The following PRUNE1 variants were observed in gnomAD, a reference collection of about 807,000 sequenced individuals.
The protein encoded by PRUNE1 is exopolyphosphatase PRUNE1.
PRUNE1 carries 25 observed loss-of-function variants against 42.5 expected under a neutral mutation model. The ratio of observed to expected loss-of-function variants is 0.59; its 90% CI spans 0.43 to 0.82. PRUNE1 has a LOEUF of 0.82. PRUNE1 is among the 40% of genes least tolerant of loss of function. The pLI, the probability that PRUNE1 is intolerant of heterozygous loss-of-function variation, is 0.00. For synonymous variants in PRUNE1, 203 were observed against 217.1 expected (o/e 0.93, Z 0.57); for missense variants, 443 against 539.3 (o/e 0.82, Z 1.77).
intron 7 of PRUNE1, among the ~76,000 whole-genome samples, chr1:151,033,354 GGATTACAGGCGT>G (rs1675354868): frequency 6.6e-6 from 1 of 151,514 alleles, no homozygotes; most frequent in Admixed American, 6.6e-5. Flanking sequence ...CAAAGTGCTG[GGATTACAGGCGT>G]GAGCCACCGC....
At chr1:151,011,211 A>G (rs954839355) in intron 1 of PRUNE1, among the ~76,000 whole-genome samples, 4 of 152,196 alleles carry the variant, frequency 2.6e-5, no homozygotes, top group Admixed American at 6.5e-5. Context: ...CTCTTTGTGC[A>G]GGATAAAGAC....
At position 151,008,527 on chromosome 1, in the gene PRUNE1, C is replaced by A. The variant is rs1673479839; in HGVS notation, c.-106C>A. On this transcript the variant is annotated 5_prime_UTR_variant, in exon 1 of 8. Coordinates refer to ENST00000271620, the MANE Select transcript of PRUNE1 (RefSeq NM_021222.3). ...TTCGAGTCCCGCCTCCTGACTCTGG[C>A]CTCTAGTCCCTGAGTCCCGGGCGGG... is the stretch of plus-strand genomic sequence containing the variant. 8.4e-6 allele frequency: 12 copies of A among 1,421,614 alleles called. No homozygotes were observed. The South Asian group carries it at 1.3e-4, about 15-fold the overall frequency. 88.1% of individuals were successfully genotyped at this position (1,421,614 alleles called of 1,614,324 possible).
At chr1:151,015,673 G>A (rs1484273563) in intron 1 of PRUNE1, among the ~76,000 whole-genome samples, 5 of 150,070 alleles carry the variant, frequency 3.3e-5, no homozygotes, top group South Asian at 2.1e-4. Context: ...GCATGGTGGC[G>A]GGTGCCTGTA....
chr1:151,030,952 A>G (rs1454693108), intron 7 of PRUNE1, among the ~76,000 whole-genome samples: 2 of 152,216 alleles, frequency 1.3e-5, no homozygotes, highest in African/African-American at 2.4e-5. Flanking sequence ...TCATGTGTAA[A>G]GCACACTCCT....
At chr1:151,026,870 C>T (rs1460898873) in intron 5 of PRUNE1, among the ~76,000 whole-genome samples, 1 of 132,168 alleles carries the variant, frequency 7.6e-6, no homozygotes, top group Non-Finnish European at 1.6e-5. Flanking sequence ...TTTTTTGAGA[C>T]AGAGTCCAGG....
intron 1 of PRUNE1, among the ~76,000 whole-genome samples, chr1:151,010,050 C>T (rs1381236158): frequency 5.9e-5 from 9 of 152,180 alleles, no homozygotes; most frequent in Admixed American, 5.9e-4. Flanking sequence ...CATATATCCT[C>T]CAGAGCCTCC....
At chr1:151,027,381 T>A in intron 6 of PRUNE1, 54 bp downstream of exon 6, 8 of 1,328,110 alleles carry the variant, frequency 6.0e-6, no homozygotes, top group African/African-American at 1.5e-5. Context: ...GCTATGCATG[T>A]TATGCATGTG....
intron 3 of PRUNE1, among the ~76,000 whole-genome samples, chr1:151,020,201 C>G (rs1200376026): frequency 7.2e-6 from 1 of 138,662 alleles, no homozygotes; most frequent in Non-Finnish European, 1.6e-5. Flanking sequence ...TTAGGGAGAC[C>G]TGTCTGACCA....
intron 2 of PRUNE1, 128 bp downstream of exon 2, chr1:151,018,032 C>A (rs979128243): frequency 9.1e-6 from 6 of 657,080 alleles, no homozygotes; most frequent in African/African-American, 1.8e-5. Context: ...TTTGCTGAGT[C>A]TCATGCCACC....
Position 151,028,784 on chromosome 1 carries a change from AG to A in PRUNE1, c.775del, listed in dbSNP as rs761055239. 1 of 1,612,946 alleles carries A rather than the reference AG, an allele frequency of 6.2e-7. No homozygotes were observed. The highest frequency in any genetic ancestry group is 1.7e-5 in the Admixed American group (1 of 59,786). Reference sequence around the variant, plus strand: ...CATCCCTCTCCGTTTCTTCCCTTTCAGGCCTTTCTGCAGAGGTCTAACCTCC... The same window carrying A: ...CATCCCTCTCCGTTTCTTCCCTTTCAGCCTTTCTGCAGAGGTCTAACCTCC... On this transcript the variant is annotated splice_acceptor_variant, in intron 6 of 7. Transcript: ENST00000271620. LOFTEE classifies it high-confidence loss of function.
In PRUNE1 at chr1:151,011,783, A is replaced by AT. The variant is rs11342247; in HGVS notation, c.39+3126dup. On this transcript the variant is annotated intron_variant, in intron 1 of 7. Coordinates refer to ENST00000271620, the MANE Select transcript of PRUNE1 (RefSeq NM_021222.3). ...TTCATTTATTTATTTTAATTAATTA[A>AT]TTTTTTTTTTTTTTGAGACAAAGTC... Among the ~76,000 whole-genome samples the AT allele has an allele frequency of 1.7e-3, 246 of 145,300 alleles. 2 individuals are homozygous for AT. The highest frequency in any genetic ancestry group is 7.6e-3 in the South Asian group (35 of 4,586).
chr1:151,025,737 A>G, intron 5 of PRUNE1, 64 bp downstream of exon 5: 2 of 1,446,816 alleles, frequency 1.4e-6, no homozygotes, highest in South Asian at 1.3e-5. Context: ...AGCCTTGTTC[A>G]TTATATTATT....
chr1:151,017,743 TAA>T, intron 1 of PRUNE1, 67 bp from the exon 2 acceptor site: 6 of 933,910 alleles, frequency 6.4e-6, no homozygotes, highest in South Asian at 1.8e-5. Context: ...ATATATTATT[TAA>T]AAAAAAAAGA....
intron 1 of PRUNE1, among the ~76,000 whole-genome samples, chr1:151,014,658 C>T (rs1673989960): frequency 6.6e-6 from 1 of 152,172 alleles, no homozygotes. Flanking sequence ...AACCTTCCCA[C>T]TTTGCTAAAC....
chr1:151,034,218 C>T lies in PRUNE1; in HGVS notation c.1346C>T (p.Ser449Phe), dbSNP rs1327890847. The change falls in exon 8 of 8, where the codon TCC becomes TTC. Residue 449 changes from serine (S) to phenylalanine (F), a missense_variant. By Grantham distance (155) the Ser-to-Phe change is radical (BLOSUM62 -2). Coordinates refer to ENST00000271620, the MANE Select transcript of PRUNE1 (RefSeq NM_021222.3). ...TCACTGTCACAGTCTACCACAGCCTCCCTGTCCAAGAAGTGACTGTTGAGA... is the reference window on the plus strand; with the variant it reads ...TCACTGTCACAGTCTACCACAGCCTTCCTGTCCAAGAAGTGACTGTTGAGA... Reference protein sequence around the residue: ...QISLSQSTTASLSKK With the variant: ...QISLSQSTTAFLSKK 4.3e-6 allele frequency: 7 copies of T among 1,610,804 alleles called. No individual in the cohort carries two copies. The highest frequency in any genetic ancestry group is 5.9e-6 in the Non-Finnish European group (7 of 1,177,798).
At position 151,016,011 on chromosome 1, in the gene PRUNE1, C is replaced by T. The variant is rs587645062; in HGVS notation, c.40-1801C>T. Among the ~76,000 whole-genome samples the T allele has an allele frequency of 3.9e-5, 6 of 152,086 alleles. No individual in the cohort carries two copies. The South Asian group carries it at 1.2e-3, about 32-fold the overall frequency. ...CAACATTTTGGGAGGCTGAGGTGGG[C>T]GGATCACTGGAGGTCAGGAGTTCAC... On this transcript the variant is annotated intron_variant, in intron 1 of 7. Coordinates refer to ENST00000271620, the MANE Select transcript of PRUNE1 (RefSeq NM_021222.3).
intron 3 of PRUNE1, among the ~76,000 whole-genome samples, chr1:151,019,434 T>C (rs1674287532): frequency 1.3e-5 from 2 of 151,582 alleles, no homozygotes; most frequent in African/African-American, 4.8e-5. Context: ...TGCATGCCTA[T>C]GGTCCCAGCT....
At chr1:151,019,486 G>A (rs1674289644) in intron 3 of PRUNE1, among the ~76,000 whole-genome samples, 1 of 149,038 alleles carries the variant, frequency 6.7e-6, no homozygotes, top group Non-Finnish European at 1.5e-5. Context: ...AGCCCAGGAG[G>A]TCGAATCTGC....
rs1230180955 is a variant in PRUNE1 at position 151,025,667 on chromosome 1, G to C, written c.673G>C (p.Val225Leu). ...TTCCCTACAAAAGGCAAAGTTTGAT[G>C]TATCAGGTATGAAATGTTAGCTGAC... ...FDSLQKAKFDVSGLTTEQMLR... is the reference protein window; with the variant it reads ...FDSLQKAKFDLSGLTTEQMLR... Residue 225 changes from valine (V) to leucine (L), a missense_variant, in exon 5 of 8, where the codon GTA becomes CTA. Physicochemically the swap from Val to Leu is conservative, Grantham distance 32 (BLOSUM62 1). Transcript: ENST00000271620. 6.2e-7 allele frequency: 1 copy of C among 1,612,774 alleles called. No homozygotes were observed.
Sources: gnomAD v4.1 joint callset for allele counts (sites outside exome capture counted in the v4.1 genomes callset) on GRCh38, gnomAD v4.1.1 for gene constraint, MANE v1.5 for transcripts, NCBI Gene and HGNC (gene_info 2026-07-23, HGNC 2026-07-21) for gene names.